The following CACNA2D1 variants were observed in gnomAD, a reference collection of about 807,000 sequenced individuals.
The protein encoded by CACNA2D1 is voltage-dependent calcium channel subunit alpha-2/delta-1.
CACNA2D1 carries 53 observed loss-of-function variants against 171.5 expected under a neutral mutation model. The observed-to-expected ratio is 0.31, with a 90% CI of 0.25 to 0.39. The LOEUF (loss-of-function observed/expected upper bound fraction) is 0.39, where lower values mean the gene tolerates loss of function less well. CACNA2D1 is among the 10% of genes least tolerant of loss of function. CACNA2D1 has a pLI of 1.00. For missense variants in CACNA2D1, 903 were observed against 1,299.8 expected, an observed-to-expected ratio of 0.69 and a Z score of 4.69; for synonymous variants, 442 against 443.1, an observed-to-expected ratio of 1.00 and a Z score of 0.03.
chr7:82,320,943 T>TTA (rs1431904819), intron 3 of CACNA2D1, among the ~76,000 whole-genome samples: 4 of 151,892 alleles, frequency 2.6e-5, no homozygotes, highest in Non-Finnish European at 5.9e-5. Context: ...ATAAAGCCAT[T>TTA]TATATATATA....
At chr7:82,060,190 T>TACATATATATATATAATA (rs1491114373) in intron 10 of CACNA2D1, among the ~76,000 whole-genome samples, 2 of 13,128 alleles carry the variant, frequency 1.5e-4, no homozygotes, top group Non-Finnish European at 4.1e-4. Flanking sequence ...TATATATATA[T>TACATATATATATATAATA]TATATATATA....
chr7:82,392,622 T>C (rs1186978008), intron 1 of CACNA2D1, among the ~76,000 whole-genome samples: 5 of 152,180 alleles, frequency 3.3e-5, no homozygotes, highest in Admixed American at 3.3e-4. Context: ...GGTGGGGGCA[T>C]TGCTGGCCAC....
chr7:82,363,963 G>A (rs1444276294), intron 1 of CACNA2D1, among the ~76,000 whole-genome samples: 1 of 152,154 alleles, frequency 6.6e-6, no homozygotes, highest in Non-Finnish European at 1.5e-5. Context: ...GCAGGGCCCG[G>A]GGGCTCACAC....
chr7:82,392,255 G>A (rs1035689959), intron 1 of CACNA2D1, among the ~76,000 whole-genome samples: 7 of 151,948 alleles, frequency 4.6e-5, no homozygotes, highest in African/African-American at 9.7e-5. Flanking sequence ...CAATCAGCAC[G>A]TGCTCCCCCA....
intron 3 of CACNA2D1, among the ~76,000 whole-genome samples, chr7:82,325,959 A>G (rs1325083608): frequency 6.6e-6 from 1 of 152,092 alleles, no homozygotes; most frequent in Non-Finnish European, 1.5e-5. Flanking sequence ...AAAGATATGT[A>G]CATTAGGTAA....
chr7:82,311,156 A>C (rs867522996), intron 3 of CACNA2D1, among the ~76,000 whole-genome samples: 7 of 152,214 alleles, frequency 4.6e-5, no homozygotes, highest in Middle Eastern at 3.4e-3. Flanking sequence ...TGTTAGTTCC[A>C]TCTTTAACCA....
intron 3 of CACNA2D1, among the ~76,000 whole-genome samples, chr7:82,229,686 T>TTTTTTTTTTATTTTATTTTA (rs1554472419): frequency 6.8e-6 from 1 of 147,814 alleles, no homozygotes; most frequent in Non-Finnish European, 1.5e-5. Flanking sequence ...ACTTTTTTTA[T>TTTTTTTTTTATTTTATTTTA]TTTTATTTTA....
chr7:82,316,478 G>T (rs1488574404), intron 3 of CACNA2D1, among the ~76,000 whole-genome samples: 1 of 151,992 alleles, frequency 6.6e-6, no homozygotes, highest in Non-Finnish European at 1.5e-5. Flanking sequence ...CTCACAAAGA[G>T]AACAATCCGG....
intron 3 of CACNA2D1, among the ~76,000 whole-genome samples, chr7:82,175,342 A>G (rs1796452567): frequency 6.6e-6 from 1 of 151,830 alleles, no homozygotes; most frequent in Non-Finnish European, 1.5e-5. Context: ...TTCCTTTTTA[A>G]TAAAAGGTAA....
Position 82,443,295 on chromosome 7 carries a change from G to A in CACNA2D1, c.95+70C>T, listed in dbSNP as rs1830649864. On this transcript the variant is annotated intron_variant, in intron 1 of 38. Coordinates refer to ENST00000356860, the MANE Select transcript of CACNA2D1 (RefSeq NM_000722.4). ...CGGGCGGAAAAGCCCCGCGACTCGG[G>A]AACCGACCCCCACCCCCAACTCCCG... The A allele has an allele frequency of 9.4e-6, 14 of 1,487,576 alleles. No individual in the cohort carries two copies. The Admixed American group carries it at 9.9e-5, about 11-fold the overall frequency. The allele number at this position is 1,487,576 out of a possible 1,614,324, so 92.1% of individuals were successfully genotyped here.
intron 3 of CACNA2D1, among the ~76,000 whole-genome samples, chr7:82,205,109 A>G (rs534315001): frequency 3.9e-5 from 6 of 152,166 alleles, no homozygotes; most frequent in Admixed American, 1.3e-4. Flanking sequence ...GAGAAAGAGT[A>G]AAGCCATGTC....
chr7:81,963,363 A>G (rs1292297541), intron 34 of CACNA2D1, among the ~76,000 whole-genome samples: 1 of 151,968 alleles, frequency 6.6e-6, no homozygotes, highest in Non-Finnish European at 1.5e-5. Context: ...TACAAAAAAA[A>G]AGATTAGAAG....
chr7:82,368,083 C>T (rs1821958635), intron 1 of CACNA2D1, among the ~76,000 whole-genome samples: 1 of 152,118 alleles, frequency 6.6e-6, no homozygotes, highest in Admixed American at 6.6e-5. Flanking sequence ...GGGCTCTGTC[C>T]CCCGACACCA....
intron 2 of CACNA2D1, among the ~76,000 whole-genome samples, 195 bp downstream of exon 2, chr7:82,349,373 T>C (rs1447619720): frequency 6.6e-6 from 1 of 152,180 alleles, no homozygotes; most frequent in Non-Finnish European, 1.5e-5. Context: ...CTGAGAAAGT[T>C]TCCTTAATTT....
At chr7:82,412,695 A>G (rs1827806070) in intron 1 of CACNA2D1, among the ~76,000 whole-genome samples, 1 of 151,872 alleles carries the variant, frequency 6.6e-6, no homozygotes, top group Admixed American at 6.6e-5. Context: ...ATATACCAAG[A>G]ATTGATGATT....
At chr7:82,006,495 G>T (rs1314387990) in intron 16 of CACNA2D1, among the ~76,000 whole-genome samples, 1 of 151,928 alleles carries the variant, frequency 6.6e-6, no homozygotes, top group Non-Finnish European at 1.5e-5. Flanking sequence ...AAAATTTTGG[G>T]TCCAAAATTG....
chr7:82,427,726 C>T (rs1370049912), intron 1 of CACNA2D1, among the ~76,000 whole-genome samples: 1 of 152,136 alleles, frequency 6.6e-6, no homozygotes, highest in Non-Finnish European at 1.5e-5. Context: ...CATGCAAGTT[C>T]CATGAAATAA....
At chr7:82,291,871 T>C (rs1224669672) in intron 3 of CACNA2D1, among the ~76,000 whole-genome samples, 4 of 151,762 alleles carry the variant, frequency 2.6e-5, no homozygotes, top group South Asian at 2.1e-4. Flanking sequence ...AATATAACAC[T>C]CTAAAACTGC....
intron 3 of CACNA2D1, among the ~76,000 whole-genome samples, chr7:82,172,843 A>C (rs1796180255): frequency 7.2e-6 from 1 of 139,822 alleles, no homozygotes; most frequent in Non-Finnish European, 1.5e-5. Flanking sequence ...ATGGGCAAAA[A>C]AAAAATTCTG....
Sources: allele counts gnomAD v4.1 joint callset (sites outside exome capture counted in the v4.1 genomes callset), GRCh38; gene constraint gnomAD v4.1.1; transcripts MANE v1.5; gene names NCBI Gene and HGNC (gene_info 2026-07-23, HGNC 2026-07-21).